FAM107B: variants seen among roughly 807,000 people sequenced by gnomAD.
FAM107B encodes the protein family with sequence similarity 107 member B, also known as protein FAM107B.
FAM107B carries 21 observed loss-of-function variants against 31.5 expected under a neutral mutation model. That is an observed-to-expected ratio of 0.67 (90% CI 0.47 to 0.96). The LOEUF (loss-of-function observed/expected upper bound fraction) is 0.96, where lower values mean the gene tolerates loss of function less well. FAM107B is among the 40% of genes least tolerant of loss of function. The pLI is 0.00. For missense variants in FAM107B, 452 were observed against 377.1 expected (o/e 1.20, Z -1.64); for synonymous variants, 157 against 141.5 (o/e 1.11, Z -0.78).
At chr10:14,654,236 CA>C (rs916929626) in intron 2 of FAM107B, among the ~76,000 whole-genome samples, 10 of 150,906 alleles carry the variant, frequency 6.6e-5, no homozygotes, top group Non-Finnish European at 1.3e-4. Flanking sequence ...AACCAATTTT[CA>C]AAAAATTTGC....
chr10:14,660,693 A>G (rs1403578565), intron 2 of FAM107B, among the ~76,000 whole-genome samples: 2 of 152,202 alleles, frequency 1.3e-5, no homozygotes, highest in East Asian at 1.9e-4. Context: ...TGCATGTGGT[A>G]TATGTGCATG....
intron 1 of FAM107B, among the ~76,000 whole-genome samples, chr10:14,772,360 A>T (rs915042952): frequency 6.6e-4 from 91 of 137,900 alleles, no homozygotes; most frequent in African/African-American, 1.5e-3. Flanking sequence ...TCTTAAAAAA[A>T]AAATATATAT....
At chr10:14,713,064 C>G (rs899556219) in intron 1 of FAM107B, among the ~76,000 whole-genome samples, 1 of 152,106 alleles carries the variant, frequency 6.6e-6, no homozygotes, top group African/African-American at 2.4e-5. Context: ...CTCGCTGATA[C>G]GATTTGCTGT....
intron 2 of FAM107B, among the ~76,000 whole-genome samples, chr10:14,641,300 A>C (rs1307373453): frequency 6.6e-6 from 1 of 152,208 alleles, no homozygotes; most frequent in African/African-American, 2.4e-5. Flanking sequence ...GTCCTCTGGC[A>C]CATGAGACTT....
At chr10:14,708,310 A>T (rs1346503250) in intron 1 of FAM107B, among the ~76,000 whole-genome samples, 1 of 151,742 alleles carries the variant, frequency 6.6e-6, no homozygotes, top group Non-Finnish European at 1.5e-5. Flanking sequence ...CAAACTCCTG[A>T]CCTTAGGTGA....
intron 2 of FAM107B, chr10:14,553,404 T>C (rs1038155037): frequency 6.5e-6 from 8 of 1,235,670 alleles, no homozygotes; most frequent in African/African-American, 1.6e-5. Flanking sequence ...AAAAAAAACA[T>C]AGTGAAAGTC....
chr10:14,658,150 C>G (rs1168465518), intron 2 of FAM107B, among the ~76,000 whole-genome samples: 1 of 152,114 alleles, frequency 6.6e-6, no homozygotes, highest in Admixed American at 6.5e-5. Context: ...CAGTGAAAAT[C>G]CAATTACTAT....
At chr10:14,648,675 C>T (rs1853827117) in intron 2 of FAM107B, among the ~76,000 whole-genome samples, 2 of 152,202 alleles carry the variant, frequency 1.3e-5, no homozygotes, top group Admixed American at 1.3e-4. Context: ...CGGTGGCAAA[C>T]AGTGACACAC....
chr10:14,676,931 G>A (rs1854696914), intron 1 of FAM107B, among the ~76,000 whole-genome samples: 1 of 152,212 alleles, frequency 6.6e-6, no homozygotes, highest in Admixed American at 6.5e-5. Flanking sequence ...AGCATCCACT[G>A]ACTTGGTTGA....
intron 1 of FAM107B, among the ~76,000 whole-genome samples, chr10:14,701,432 A>G (rs1276907727): frequency 2.0e-5 from 3 of 152,008 alleles, no homozygotes; most frequent in South Asian, 4.2e-4. Context: ...TTTAGTAGAG[A>G]TGGGGTTTTA....
chr10:14,722,869 A>G (rs1855944816), intron 1 of FAM107B, among the ~76,000 whole-genome samples: 1 of 152,160 alleles, frequency 6.6e-6, no homozygotes, highest in Non-Finnish European at 1.5e-5. Context: ...TTTGGGTGTC[A>G]TATCTCAGAA....
intron 2 of FAM107B, chr10:14,556,503 G>T: frequency 1.3e-6 from 1 of 791,268 alleles, no homozygotes; most frequent in Non-Finnish European, 1.5e-6. Context: ...CGAGAGCTCA[G>T]CTCTGGACAA....
At chr10:14,758,238 A>C (rs1789690671) in intron 1 of FAM107B, among the ~76,000 whole-genome samples, 2 of 152,130 alleles carry the variant, frequency 1.3e-5, no homozygotes, top group South Asian at 4.1e-4. Context: ...AATCCTTCAC[A>C]CCTGGTAGTG....
chr10:14,692,421 C>T (rs767570980), intron 1 of FAM107B, among the ~76,000 whole-genome samples: 10 of 152,274 alleles, frequency 6.6e-5, no homozygotes, highest in Non-Finnish European at 1.2e-4. Context: ...CTTCATCGTA[C>T]ACTTCCTTTA....
At chr10:14,705,408 A>C (rs1387774020) in intron 1 of FAM107B, among the ~76,000 whole-genome samples, 1 of 152,164 alleles carries the variant, frequency 6.6e-6, no homozygotes, top group Non-Finnish European at 1.5e-5. Context: ...GGATATTTGC[A>C]CACCCATGCT....
chr10:14,579,688 G>A (rs562743601), intron 2 of FAM107B, among the ~76,000 whole-genome samples: 11 of 152,304 alleles, frequency 7.2e-5, no homozygotes, highest in African/African-American at 2.6e-4. Flanking sequence ...GATAAGAGGA[G>A]GATAAAACTG....
chr10:14,591,190 T>C (rs1320878822), intron 2 of FAM107B, among the ~76,000 whole-genome samples: 1 of 152,206 alleles, frequency 6.6e-6, no homozygotes, highest in Non-Finnish European at 1.5e-5. Flanking sequence ...CTCTCTATCA[T>C]GGTCTGCACC....
chr10:14,682,206 C>T (rs1854852741), intron 1 of FAM107B, among the ~76,000 whole-genome samples: 1 of 152,174 alleles, frequency 6.6e-6, no homozygotes, highest in Non-Finnish European at 1.5e-5. Flanking sequence ...GCAGAACAGA[C>T]ACAAATGTTT....
chr10:14,543,962 AC>A (rs969056128), intron 2 of FAM107B, among the ~76,000 whole-genome samples: 13 of 152,016 alleles, frequency 8.6e-5, no homozygotes, highest in Admixed American at 4.6e-4. Context: ...CCATTCACTC[AC>A]CCCTGTTCCC....
Sources: gnomAD v4.1 joint callset for allele counts (sites outside exome capture counted in the v4.1 genomes callset) on GRCh38, gnomAD v4.1.1 for gene constraint, MANE v1.5 for transcripts, NCBI Gene and HGNC (gene_info 2026-07-23, HGNC 2026-07-21) for gene names.